GPR153: variants seen among roughly 807,000 people sequenced by gnomAD.
GPR153 encodes G protein-coupled receptor 153, also known as probable G protein-coupled receptor 153.
In GPR153, 27 loss-of-function variants were observed where a neutral mutation model predicts 34.1. The ratio of observed to expected loss-of-function variants is 0.79; its 90% CI spans 0.58 to 1.09. GPR153 has a LOEUF of 1.09. GPR153 is among the 50% of genes least tolerant of loss of function. The probability of loss-of-function intolerance (pLI) is 0.00; values close to 1 mark genes in which losing one functional copy is unlikely to be tolerated. For missense variants in GPR153, 848 were observed against 860.2 expected (o/e 0.99, Z 0.18); for synonymous variants, 408 against 405.4 (o/e 1.01, Z -0.08).
Position 6,253,822 on chromosome 1 carries a change from A to G in GPR153, c.682T>C (p.Ser228Pro), listed in dbSNP as rs772922075. Residue 228 changes from serine to proline, a missense_variant, in exon 3 of 6, where the codon TCC (serine) becomes CCC (proline). By Grantham distance (74) the Ser-to-Pro change is moderately conservative. Transcript: ENST00000377893. ...GCGGGCTCCGAGCCATCGATGGAGG[A>G]GCGCCGCTTGCCCTGCGCGTCCTCC... is the stretch of plus-strand genomic sequence containing the variant. ...VVEDAQGKRRSSIDGSEPAKT... is the reference protein window; with the variant it reads ...VVEDAQGKRRPSIDGSEPAKT... The G allele has an allele frequency of 6.3e-7, 1 of 1,591,070 alleles. No homozygotes were observed. Among genetic ancestry groups the G allele is most frequent in the Non-Finnish European group, 8.6e-7 (1 of 1,165,814 alleles).
chr1:6,254,213 G>A, intron 2 of GPR153, 66 bp from the exon 3 acceptor site: 3 of 1,473,502 alleles, frequency 2.0e-6, no homozygotes, highest in Non-Finnish European at 2.8e-6. Flanking sequence ...AGGCCTCTGG[G>A]GACCTGTAGG....
At chr1:6,260,385 C>CA (rs1249677575) in intron 1 of GPR153, among the ~76,000 whole-genome samples, 2 of 66,386 alleles carry the variant, frequency 3.0e-5, no homozygotes, top group African/African-American at 1.1e-4. Context: ...ATCCCCCCCC[C>CA]CCCCCGCAAT....
rs1307114477 is a variant in GPR153, at chr1:6,255,484, A to AT, written c.-109-471dup. Among the ~76,000 whole-genome samples the AT allele has an allele frequency of 4.8e-5, 7 of 145,652 alleles. No individual in the cohort carries two copies. The East Asian group carries it at 1.1e-3, about 22-fold the overall frequency. The stretch of plus-strand genomic sequence containing the variant: ...AGTGCTGGGATTACAAGATAACACT[A>AT]TTTTTTTAGAAATGGGGTCTTGATC... On this transcript the variant is annotated intron_variant, in intron 1 of 5. Coordinates refer to ENST00000377893, the MANE Select transcript of GPR153 (RefSeq NM_207370.4).
chr1:6,255,313 C>T (rs1288935456), intron 1 of GPR153, among the ~76,000 whole-genome samples: 3 of 151,902 alleles, frequency 2.0e-5, no homozygotes, highest in Non-Finnish European at 4.4e-5. Flanking sequence ...ATTCTCCCAC[C>T]TCAGCCTCCT....
chr1:6,257,118 T>C (rs1638584875), intron 1 of GPR153, among the ~76,000 whole-genome samples: 2 of 152,236 alleles, frequency 1.3e-5, no homozygotes, highest in African/African-American at 4.8e-5. Context: ...AGATGGGCAC[T>C]CTTGCCCCGT....
In GPR153 at chr1:6,249,925, A is replaced by G. The variant is rs1638402840; in HGVS notation, c.1243T>C (p.Trp415Arg). The stretch of plus-strand genomic sequence containing the variant: ...GCGGCCAGGTCCTCGCCGGAGCCCC[A>G]GCGCGGCAGGAAGGCGGGCAGCGGG... ...AVPLPAFLPR[W>R]GSGEDLAALA... The change falls in exon 6 of 6, where the codon TGG becomes CGG. Residue 415 changes from tryptophan to arginine, a missense_variant. By Grantham distance (101) the Trp-to-Arg change is moderately radical (BLOSUM62 -3). Transcript: ENST00000377893. This position sits in a 1 kb window ranked among gnomAD's most constrained non-coding sequence, Gnocchi z 4.3. 3.1e-6 allele frequency: 4 copies of G among 1,285,166 alleles called. No individual in the cohort carries two copies. The highest frequency in any genetic ancestry group is 3.0e-4 in the Middle Eastern group (1 of 3,322). The allele number at this position is 1,285,166 out of a possible 1,614,324, so 79.6% of individuals were successfully genotyped here.
chr1:6,257,713 A>G (rs1315575736), intron 1 of GPR153, among the ~76,000 whole-genome samples: 1 of 152,210 alleles, frequency 6.6e-6, no homozygotes, highest in Non-Finnish European at 1.5e-5. Flanking sequence ...TGGCCTTTCC[A>G]TGTGAGTCAG....
At chr1:6,252,496 C>T (rs990440476) in intron 3 of GPR153, among the ~76,000 whole-genome samples, 4 of 152,158 alleles carry the variant, frequency 2.6e-5, no homozygotes, top group Non-Finnish European at 4.4e-5. Flanking sequence ...GCACAGGGAC[C>T]GGGCTGCCAG....
chr1:6,250,501 C>T lies in GPR153; in HGVS notation c.1103G>A (p.Gly368Glu). ...MAKYEISALE[G>E]GLPQLYPLRP... ...CAGTGGGTAGAGCTGGGGCAGGCCC[C>T]CCTCCAGGGCGGAGATCTCATACTT... Residue 368 changes from glycine (G) to glutamate (E), a missense_variant, in exon 5 of 6, where the codon GGG becomes GAG. Transcript: ENST00000377893. 1.2e-6 allele frequency: 2 copies of T among 1,610,250 alleles called. No homozygotes were observed. Among genetic ancestry groups the T allele is most frequent in the South Asian group, 1.1e-5 (1 of 89,994 alleles).
chr1:6,249,256 G>T lies in GPR153; in HGVS notation c.*82C>A, dbSNP rs889094099. ...GAGGGGTGGCGCATGTCTGCGCGCG[G>T]GGCGGAGGCGGGCGTCTTTGGTGCT... On this transcript the variant is annotated 3_prime_UTR_variant, in exon 6 of 6. Transcript: ENST00000377893. The surrounding 1 kb of genome is among the most constrained non-coding windows in gnomAD (Gnocchi z 4.3). 2 of 1,039,070 alleles carry T rather than the reference G, an allele frequency of 1.9e-6. No individual in the cohort carries two copies. Among genetic ancestry groups the T allele is most frequent in the Non-Finnish European group, 2.5e-6 (2 of 811,112 alleles). 64.4% of individuals were successfully genotyped at this position (1,039,070 alleles called of 1,614,324 possible). A position where few individuals can be genotyped will look rare whatever the true frequency, so the allele number is the denominator to read the frequency against.
intron 1 of GPR153, among the ~76,000 whole-genome samples, chr1:6,258,615 G>A (rs1638611342): frequency 6.6e-6 from 1 of 152,236 alleles, no homozygotes. Flanking sequence ...AGCAGACAGA[G>A]TGTGAGTAAG....
In GPR153 at chr1:6,260,845, GCTCCGGCTCGCTGCTCCCGC is replaced by G. The variant is rs1377784257; in HGVS notation, c.-150_-131del. ...CTCACCCTGCATTCGAGCGCCCGGG[GCTCCGGCTCGCTGCTCCCGC>G]CTCCGGCTCCGGCTGCGGTTCCCGC... On this transcript the variant is annotated 5_prime_UTR_variant, in exon 1 of 6. An upstream open reading frame in the 5' UTR gains an earlier in-frame stop. Transcript: ENST00000377893. The G allele has an allele frequency of 6.6e-6, 1 of 150,852 alleles. No homozygotes were observed. The highest frequency in any genetic ancestry group is 2.4e-5 in the African/African-American group (1 of 41,192). The allele number at this position is 150,852 out of a possible 1,614,324, so 9.3% of individuals were successfully genotyped here.
At position 6,249,934 on chromosome 1, in the gene GPR153, G is replaced by T; in HGVS notation, c.1234C>A (p.Leu412Met). Residue 412 changes from leucine (L) to methionine (M), a missense_variant, in exon 6 of 6, where the codon CTG becomes ATG. By Grantham distance (15) the Leu-to-Met change is conservative. Coordinates refer to ENST00000377893, the MANE Select transcript of GPR153 (RefSeq NM_207370.4). The surrounding 1 kb of genome is among the most constrained non-coding windows in gnomAD (Gnocchi z 4.3). The part of the protein sequence containing the change: ...VWAAVPLPAF[L>M]PRWGSGEDLA... ...TCCTCGCCGGAGCCCCAGCGCGGCA[G>T]GAAGGCGGGCAGCGGGACGGCGGCC... The T allele has an allele frequency of 7.8e-7, 1 of 1,284,426 alleles. No individual in the cohort carries two copies. 79.6% of individuals were successfully genotyped at this position (1,284,426 alleles called of 1,614,324 possible).
intron 2 of GPR153, 150 bp from the exon 3 acceptor site, chr1:6,254,297 G>T (rs554200210): frequency 6.6e-6 from 5 of 761,696 alleles, no homozygotes; most frequent in Admixed American, 5.7e-5. Flanking sequence ...GCAGGGCCTT[G>T]TTCCTTGCAT....
At chr1:6,254,460 C>A (rs1638518780) in intron 2 of GPR153, 90 bp downstream of exon 2, 1 of 1,200,136 alleles carries the variant, frequency 8.3e-7, no homozygotes, top group African/African-American at 1.5e-5. Flanking sequence ...ACAGGTGTGG[C>A]CACTCCTGTG....
At chr1:6,253,507 G>A (rs576782732) in intron 3 of GPR153, among the ~76,000 whole-genome samples, 9 of 152,344 alleles carry the variant, frequency 5.9e-5, no homozygotes, top group East Asian at 5.8e-4. Flanking sequence ...TGCAGTTGCC[G>A]GATGTGGGTT....
At chr1:6,260,383 C>CG (rs1295948916) in intron 1 of GPR153, among the ~76,000 whole-genome samples, 4 of 58,454 alleles carry the variant, frequency 6.8e-5, no homozygotes, top group East Asian at 4.0e-4. Context: ...CGATCCCCCC[C>CG]CCCCCCCGCA....
Position 6,251,393 on chromosome 1 carries a change from T to C in GPR153, c.924A>G (p.Lys308=). The C allele has an allele frequency of 6.2e-7, 1 of 1,613,586 alleles. No homozygotes were observed. Among genetic ancestry groups the C allele is most frequent in the African/African-American group, 1.3e-5 (1 of 75,048 alleles). The change falls in exon 4 of 6, where the codon AAA becomes AAG. Residue 308 remains lysine (K), a synonymous_variant. Coordinates refer to ENST00000377893, the MANE Select transcript of GPR153 (RefSeq NM_207370.4). The surrounding 1 kb of genome is among the most constrained non-coding windows in gnomAD (Gnocchi z 4.9). The part of the protein sequence containing the change: ...WACDRYRADL[K]AVREKCMALM... The stretch of plus-strand genomic sequence containing the variant: ...GGGCCATGCACTTCTCCCGGACAGC[T>C]TTGAGGTCAGCCCGGTAGCGGTCGC...
chr1:6,252,879 C>T (rs1048304019), intron 3 of GPR153, among the ~76,000 whole-genome samples: 6 of 152,178 alleles, frequency 3.9e-5, no homozygotes, highest in Admixed American at 3.9e-4. Context: ...AGACCTTTGT[C>T]GGCAAGGCCT....
Sources: allele counts gnomAD v4.1 joint callset (sites outside exome capture counted in the v4.1 genomes callset), GRCh38; gene constraint gnomAD v4.1.1; non-coding constraint Gnocchi (gnomAD v3.1); transcripts MANE v1.5; gene names NCBI Gene and HGNC (gene_info 2026-07-23, HGNC 2026-07-21).